The following PCLO variants were observed in gnomAD, a reference collection of about 807,000 sequenced individuals.
PCLO encodes the protein piccolo presynaptic cytomatrix protein, also known as protein piccolo.
PCLO carries 82 observed loss-of-function variants against 427.5 expected under a neutral mutation model. The observed-to-expected ratio is 0.19, with a 90% CI of 0.16 to 0.23. PCLO has a LOEUF of 0.23. Among genes scored for constraint, PCLO ranks in the 10% least tolerant of loss-of-function variants. The probability of loss-of-function intolerance (pLI) is 1.00; values close to 1 mark genes in which losing one functional copy is unlikely to be tolerated. For synonymous variants in PCLO, 2,357 were observed against 2,155.4 expected (o/e 1.09, Z -2.59); for missense variants, 6,239 against 6,115.9 (o/e 1.02, Z -0.67).
At chr7:82,789,241 A>C (rs543551795) in intron 22 of PCLO, among the ~76,000 whole-genome samples, 1 of 152,322 alleles carries the variant, frequency 6.6e-6, no homozygotes, top group East Asian at 1.9e-4. Context: ...AACAGCTCAT[A>C]TTAATTTTAC....
At chr7:82,987,580 C>A (rs958323137) in intron 3 of PCLO, among the ~76,000 whole-genome samples, 3 of 151,924 alleles carry the variant, frequency 2.0e-5, no homozygotes, top group African/African-American at 7.3e-5. Context: ...AGACTCCTAA[C>A]GTGCAATTTT....
At chr7:82,830,188 C>G (rs899339994) in intron 16 of PCLO, among the ~76,000 whole-genome samples, 1 of 151,710 alleles carries the variant, frequency 6.6e-6, no homozygotes, top group African/African-American at 2.4e-5. Flanking sequence ...ATAGCAAAAT[C>G]TTAAAATTTG....
chr7:83,127,449 A>T (rs536821389), intron 3 of PCLO, among the ~76,000 whole-genome samples: 3 of 152,276 alleles, frequency 2.0e-5, no homozygotes, highest in African/African-American at 7.2e-5. Context: ...TAGATAAGAT[A>T]TCACTTTCAG....
At chr7:82,762,224 T>C (rs1790446330) in intron 22 of PCLO, among the ~76,000 whole-genome samples, 1 of 152,022 alleles carries the variant, frequency 6.6e-6, no homozygotes, top group Admixed American at 6.6e-5. Flanking sequence ...CAATGGAGGC[T>C]AAAACAAAGG....
At chr7:82,963,324 G>A (rs1795694145) in intron 4 of PCLO, among the ~76,000 whole-genome samples, 1 of 151,908 alleles carries the variant, frequency 6.6e-6, no homozygotes, top group Non-Finnish European at 1.5e-5. Flanking sequence ...AAAATCATTT[G>A]TTGAAAAAGT....
chr7:82,796,993 T>C (rs1791237484), intron 22 of PCLO, among the ~76,000 whole-genome samples: 2 of 151,974 alleles, frequency 1.3e-5, no homozygotes, highest in African/African-American at 4.8e-5. Flanking sequence ...CAAGGTCACA[T>C]ATTTGTGGAG....
Position 82,953,512 on chromosome 7 carries a change from T to C in PCLO, c.7441A>G (p.Thr2481Ala). The change falls in exon 5 of 25, where the codon ACT becomes GCT. Residue 2481 changes from threonine (T) to alanine (A), a missense_variant. Physicochemically the swap from Thr to Ala is moderately conservative, Grantham distance 58. Coordinates refer to ENST00000333891, the MANE Select transcript of PCLO (RefSeq NM_033026.6). ...TTAGGAGGAACAGGAGGAGGTGCAGTAGTACATATTCTTGTAACAGGTAAT... is the reference window on the plus strand; with the variant it reads ...TTAGGAGGAACAGGAGGAGGTGCAGCAGTACATATTCTTGTAACAGGTAAT... ...NGLPVTRICT[T>A]APPPVPPKPS... 2.5e-6 allele frequency: 4 copies of C among 1,613,346 alleles called. No homozygotes were observed. Among genetic ancestry groups the C allele is most frequent in the Non-Finnish European group, 3.4e-6 (4 of 1,179,700 alleles).
At chr7:82,809,240 T>C (rs1791518131) in intron 20 of PCLO, among the ~76,000 whole-genome samples, 1 of 151,860 alleles carries the variant, frequency 6.6e-6, no homozygotes, top group Admixed American at 6.6e-5. Flanking sequence ...AGTTTTTTAT[T>C]GGTCTGGTCT....
chr7:83,160,268 T>C (rs1400795165), intron 1 of PCLO, among the ~76,000 whole-genome samples: 3 of 152,150 alleles, frequency 2.0e-5, no homozygotes, highest in African/African-American at 7.2e-5. Context: ...TGCTATGAGT[T>C]GGTCAAAATC....
At chr7:83,129,455 T>A (rs552478820) in intron 3 of PCLO, among the ~76,000 whole-genome samples, 1 of 152,300 alleles carries the variant, frequency 6.6e-6, no homozygotes, top group East Asian at 1.9e-4. Flanking sequence ...ACTTCCAAAT[T>A]AAATATTATT....
chr7:82,936,043 A>G (rs1298029290), intron 6 of PCLO, among the ~76,000 whole-genome samples: 2 of 151,748 alleles, frequency 1.3e-5, no homozygotes, highest in African/African-American at 4.8e-5. Flanking sequence ...ACTAGGAAAT[A>G]TAGAACTTGA....
At chr7:83,071,431 T>G (rs73163021) in intron 3 of PCLO, among the ~76,000 whole-genome samples, 14,281 of 152,290 alleles carry the variant, frequency 0.094, 903 homozygotes, top group Non-Finnish European at 0.13. Flanking sequence ...TTCATTGCAC[T>G]TGAAATCATC....
In PCLO at chr7:82,954,536, T is replaced by C. The variant is rs772016293; in HGVS notation, c.6417A>G (p.Glu2139=). ...DVKITQHFST[E]EIEDEYVTDY... ...CGGTTACATATTCATCCTCAATTTC[T>C]TCTGTTGAAAAATGTTGGGTTATTT... The change falls in exon 5 of 25, where the codon GAA becomes GAG. Residue 2139 remains glutamate (E), a synonymous_variant. Coordinates refer to ENST00000333891, the MANE Select transcript of PCLO (RefSeq NM_033026.6). The C allele has an allele frequency of 1.9e-6, 3 of 1,613,934 alleles. No individual in the cohort carries two copies. Among genetic ancestry groups the C allele is most frequent in the Non-Finnish European group, 2.5e-6 (3 of 1,179,824 alleles).
rs1238395760 is a variant in PCLO at position 83,155,037 on chromosome 7, C to G, written c.1604G>C (p.Gly535Ala). 1.9e-6 allele frequency: 3 copies of G among 1,613,362 alleles called. No homozygotes were observed. Among genetic ancestry groups the G allele is most frequent in the Non-Finnish European group, 2.5e-6 (3 of 1,179,784 alleles). Residue 535 changes from glycine (G) to alanine (A), a missense_variant, in exon 2 of 25, where the codon GGC becomes GCC. Transcript: ENST00000333891. ...GSTKPPSQQP[G>A]SAKPSAQQPS... Reference sequence around the variant, plus strand: ...CTGTTGAGCTGAGGGTTTTGCTGAGCCAGGCTGTTGAGATGGGGGTTTTGT... The same window carrying G: ...CTGTTGAGCTGAGGGTTTTGCTGAGGCAGGCTGTTGAGATGGGGGTTTTGT...
chr7:83,064,977 C>A (rs1213068734), intron 3 of PCLO, among the ~76,000 whole-genome samples: 1 of 151,486 alleles, frequency 6.6e-6, no homozygotes, highest in African/African-American at 2.4e-5. Context: ...TTTCCAGCAT[C>A]TCAGACATTT....
intron 16 of PCLO, among the ~76,000 whole-genome samples, chr7:82,830,823 G>A (rs1792076269): frequency 1.3e-5 from 2 of 151,830 alleles, no homozygotes; most frequent in African/African-American, 4.8e-5. Flanking sequence ...CCTTTGAAGG[G>A]ATTTATCAGT....
At chr7:83,001,705 C>A (rs571893686) in intron 3 of PCLO, among the ~76,000 whole-genome samples, 3 of 152,132 alleles carry the variant, frequency 2.0e-5, no homozygotes, top group South Asian at 4.1e-4. Flanking sequence ...AACAAAATGG[C>A]CTCATGTGCA....
At chr7:82,994,548 G>A (rs750574357) in intron 3 of PCLO, among the ~76,000 whole-genome samples, 2 of 151,714 alleles carry the variant, frequency 1.3e-5, no homozygotes, top group African/African-American at 2.4e-5. Context: ...AGTTTTTGAC[G>A]AATAAATGAC....
rs190657069 is a variant in PCLO at position 82,813,765 on chromosome 7, T to G, written c.14792-7936A>C. ...GATGACCTAATAAAAGTAATTCAGA[T>G]CATATTTTTCATAAATGATAAGCAC... is the stretch of plus-strand genomic sequence containing the variant. On this transcript the variant is annotated intron_variant, in intron 20 of 24. Transcript: ENST00000333891. Among the ~76,000 whole-genome samples the G allele has an allele frequency of 8.6e-4, 131 of 151,892 alleles. 1 individual carries two copies. Among genetic ancestry groups the G allele is most frequent in the African/African-American group, 3.1e-3 (129 of 41,544 alleles).
Sources: allele counts gnomAD v4.1 joint callset (sites outside exome capture counted in the v4.1 genomes callset), GRCh38; gene constraint gnomAD v4.1.1; transcripts MANE v1.5; gene names NCBI Gene and HGNC (gene_info 2026-07-23, HGNC 2026-07-21).